Variants in WASF1 observed in about 807,000 individuals in gnomAD.
WASF1 encodes the protein actin-binding protein WASF1.
In WASF1, 7 loss-of-function variants were observed where a neutral mutation model predicts 50.5. The observed-to-expected ratio is 0.14, with a 90% CI of 0.08 to 0.26. The LOEUF (loss-of-function observed/expected upper bound fraction) is 0.26. Ranked by LOEUF, WASF1 falls within the 10% of genes least tolerant of loss-of-function variation. The probability of loss-of-function intolerance (pLI) is 1.00; values close to 1 mark genes in which losing one functional copy is unlikely to be tolerated. For missense variants in WASF1, 470 were observed against 694.7 expected (o/e 0.68, Z 3.64); for synonymous variants, 205 against 244.0 (o/e 0.84, Z 1.49).
chr6:110,115,457 G>A (rs1342402539), intron 4 of WASF1, among the ~76,000 whole-genome samples: 4 of 152,144 alleles, frequency 2.6e-5, no homozygotes, highest in Non-Finnish European at 5.9e-5. Flanking sequence ...TCCCATTGAC[G>A]CTTTGTCCCT....
At position 110,100,462 on chromosome 6, in the gene WASF1, G is replaced by T; in HGVS notation, c.*60C>A. ...ACTAGAATGACCAAACATTTTCAAG[G>T]AACAAGCACCACAAAGGACATTTGC... On this transcript the variant is annotated 3_prime_UTR_variant, in exon 11 of 11. Coordinates refer to ENST00000392589, the MANE Select transcript of WASF1 (RefSeq NM_003931.3). 1 of 1,468,132 alleles carries T rather than the reference G, an allele frequency of 6.8e-7. No individual in the cohort carries two copies. Among genetic ancestry groups the T allele is most frequent in the South Asian group, 1.4e-5 (1 of 72,378 alleles). The allele number at this position is 1,468,132 out of a possible 1,614,324, so 90.9% of individuals were successfully genotyped here. A position where few individuals can be genotyped will look rare whatever the true frequency, so the allele number is the denominator to read the frequency against.
At chr6:110,120,840 T>A (rs986054997) in intron 4 of WASF1, among the ~76,000 whole-genome samples, 2 of 152,026 alleles carry the variant, frequency 1.3e-5, no homozygotes, top group African/African-American at 4.8e-5. Context: ...AAAACAGAGA[T>A]ATAGACCAAT....
chr6:110,168,911 T>C (rs1562191026), intron 2 of WASF1, among the ~76,000 whole-genome samples: 1 of 152,066 alleles, frequency 6.6e-6, no homozygotes, highest in Non-Finnish European at 1.5e-5. Context: ...TTCAAAACCA[T>C]CAACACACTT....
intron 3 of WASF1, among the ~76,000 whole-genome samples, chr6:110,129,116 C>T (rs1032317761): frequency 6.6e-6 from 1 of 152,124 alleles, no homozygotes; most frequent in Non-Finnish European, 1.5e-5. Flanking sequence ...GATCAGTGAC[C>T]AATCACCACT....
rs753446530 is a variant in WASF1, at chr6:110,107,046, T to G, written c.540+31A>C. 4.0e-6 allele frequency: 6 copies of G among 1,488,636 alleles called. No individual in the cohort carries two copies. In the East Asian group the frequency reaches 1.4e-4, roughly 34 times the overall value. The allele number at this position is 1,488,636 out of a possible 1,614,324, so 92.2% of individuals were successfully genotyped here. On this transcript the variant is annotated intron_variant, in intron 7 of 10. Coordinates refer to ENST00000392589, the MANE Select transcript of WASF1 (RefSeq NM_003931.3). ...GCAACAAAACACAAATATACAAAAA[T>G]TAACCTCAATTTTTTAATCTCTTGT...
At chr6:110,132,951 T>TACA in intron 3 of WASF1, among the ~76,000 whole-genome samples, 1 of 140,612 alleles carries the variant, frequency 7.1e-6, no homozygotes, top group Non-Finnish European at 1.5e-5. Context: ...TGTGTGTGTA[T>TACA]TCCATGGTGT....
intron 3 of WASF1, among the ~76,000 whole-genome samples, chr6:110,135,876 CTTTTT>C (rs778710982): frequency 1.5e-5 from 1 of 68,310 alleles, no homozygotes. Context: ...AGTCCATTAT[CTTTTT>C]TTTTTTTTTT....
chr6:110,115,199 T>C (rs147505580), intron 4 of WASF1, among the ~76,000 whole-genome samples: 22 of 150,386 alleles, frequency 1.5e-4, no homozygotes, highest in African/African-American at 5.1e-4. Flanking sequence ...GATGAGAGTG[T>C]CCTATTCCAG....
intron 5 of WASF1, among the ~76,000 whole-genome samples, chr6:110,109,420 C>T (rs1428659191): frequency 6.6e-6 from 1 of 152,064 alleles, no homozygotes. Flanking sequence ...TACAAAAATG[C>T]TGCATTCTTA....
chr6:110,139,773 G>A (rs1008884188), intron 3 of WASF1, among the ~76,000 whole-genome samples: 3 of 152,096 alleles, frequency 2.0e-5, no homozygotes, highest in Admixed American at 2.0e-4. Flanking sequence ...ACCACAAATA[G>A]TACTGAGCCT....
chr6:110,143,567 G>C (rs1248077595), intron 3 of WASF1, among the ~76,000 whole-genome samples: 1 of 152,034 alleles, frequency 6.6e-6, no homozygotes, highest in African/African-American at 2.4e-5. Flanking sequence ...GGCCTGTAAA[G>C]TTTATTTAAA....
chr6:110,179,022 G>T (rs1221979939), intron 1 of WASF1, among the ~76,000 whole-genome samples: 1 of 152,226 alleles, frequency 6.6e-6, no homozygotes, highest in Non-Finnish European at 1.5e-5. Flanking sequence ...TCGCTTTACC[G>T]AGCCTCGCGC....
At chr6:110,132,666 A>G (rs1319961785) in intron 3 of WASF1, among the ~76,000 whole-genome samples, 1 of 151,918 alleles carries the variant, frequency 6.6e-6, no homozygotes, top group African/African-American at 2.4e-5. Flanking sequence ...CCCAATGTGT[A>G]GTCTTTTATC....
At chr6:110,162,685 G>A (rs1776309045) in intron 2 of WASF1, among the ~76,000 whole-genome samples, 1 of 151,290 alleles carries the variant, frequency 6.6e-6, no homozygotes, top group Admixed American at 6.6e-5. Context: ...AAAAGATACT[G>A]GAAAAGCATT....
chr6:110,126,611 G>A (rs1774429233), intron 4 of WASF1, among the ~76,000 whole-genome samples: 1 of 152,198 alleles, frequency 6.6e-6, no homozygotes, highest in Non-Finnish European at 1.5e-5. Flanking sequence ...TATGGCTGAT[G>A]AGATAAATCT....
chr6:110,158,838 T>C (rs1348944098), intron 3 of WASF1, among the ~76,000 whole-genome samples: 1 of 151,976 alleles, frequency 6.6e-6, no homozygotes, highest in Non-Finnish European at 1.5e-5. Flanking sequence ...AATTAATCCT[T>C]CAATGTCCTG....
intron 7 of WASF1, among the ~76,000 whole-genome samples, chr6:110,105,850 G>C (rs1230263381): frequency 6.6e-6 from 1 of 152,126 alleles, no homozygotes; most frequent in African/African-American, 2.4e-5. Context: ...TACAATTTGA[G>C]GTCAGAAAGT....
At chr6:110,113,499 C>A in intron 4 of WASF1, 39 bp from the exon 5 acceptor site, 2 of 1,530,790 alleles carry the variant, frequency 1.3e-6, no homozygotes, top group South Asian at 1.3e-5. Flanking sequence ...AATTTAACAT[C>A]CAGAGCACTG....
At chr6:110,136,724 A>T (rs1383177319) in intron 3 of WASF1, among the ~76,000 whole-genome samples, 1 of 152,190 alleles carries the variant, frequency 6.6e-6, no homozygotes, top group Non-Finnish European at 1.5e-5. Flanking sequence ...CTCTTCACAG[A>T]ATACAGTTAG....
Sources: allele counts gnomAD v4.1 joint callset (sites outside exome capture counted in the v4.1 genomes callset), GRCh38; gene constraint gnomAD v4.1.1; transcripts MANE v1.5; gene names NCBI Gene and HGNC (gene_info 2026-07-23, HGNC 2026-07-21).